DNAH3: variants seen among roughly 807,000 people sequenced by gnomAD.
The protein encoded by DNAH3 is dynein axonemal heavy chain 3, also known as axonemal beta dynein heavy chain 3.
DNAH3 carries 332 observed loss-of-function variants against 432.5 expected under a neutral mutation model. The ratio of observed to expected loss-of-function variants is 0.77; its 90% CI spans 0.70 to 0.84. The LOEUF is 0.84. Ranked by LOEUF, DNAH3 falls within the 40% of genes least tolerant of loss-of-function variation. The pLI, the probability that DNAH3 is intolerant of heterozygous loss-of-function variation, is 0.00. For synonymous variants in DNAH3, 1,956 were observed against 1,900.2 expected (o/e 1.03, Z -0.76); for missense variants, 4,861 against 5,114.0 (o/e 0.95, Z 1.51).
chr16:20,936,146 C>T (rs1370380355), intron 60 of DNAH3, among the ~76,000 whole-genome samples: 5 of 148,020 alleles, frequency 3.4e-5, no homozygotes, highest in Non-Finnish European at 6.0e-5. Context: ...CATGAGCCAC[C>T]AGTTTGTGAC....
chr16:20,985,310 G>C, exon 48 of DNAH3: 1 of 1,614,218 alleles, frequency 6.2e-7, no homozygotes, highest in Non-Finnish European at 8.5e-7. Flanking sequence ...CCGACCTGCA[G>C]TATGATCTTC....
chr16:21,112,161 A>G, intron 12 of DNAH3, 63 bp from the exon 13 acceptor site: 9 of 1,131,240 alleles, frequency 8.0e-6, no homozygotes, highest in Non-Finnish European at 1.0e-5. Flanking sequence ...CAGATGAGTC[A>G]GAGTGGCAAA....
chr16:21,124,648 T>G (rs200733328), intron 9 of DNAH3, among the ~76,000 whole-genome samples: 38,442 of 150,864 alleles, frequency 0.25, 4,787 homozygotes, highest in East Asian at 0.31. Flanking sequence ...ACATTTACTT[T>G]TTTTTTTTTT....
At chr16:21,098,510 T>C in intron 17 of DNAH3, 106 bp downstream of exon 17, 1 of 986,788 alleles carries the variant, frequency 1.0e-6, no homozygotes, top group Non-Finnish European at 1.4e-6. Flanking sequence ...AGTTAACCAA[T>C]ACTATCCACC....
chr16:21,075,946 G>A (rs1355061980), intron 20 of DNAH3, among the ~76,000 whole-genome samples: 1 of 143,310 alleles, frequency 7.0e-6, no homozygotes, highest in African/African-American at 2.6e-5. Context: ...AAAAAGGGAG[G>A]AATTTCAGCT....
exon 48 of DNAH3, chr16:20,985,269 G>T (rs145791741): frequency 2.5e-6 from 4 of 1,614,034 alleles, no homozygotes; most frequent in Non-Finnish European, 3.4e-6. Context: ...GGTTGTCGGC[G>T]AAGAGGAACA....
At chr16:21,062,444 T>G in intron 25 of DNAH3, 38 bp downstream of exon 25, 2 of 1,569,376 alleles carry the variant, frequency 1.3e-6, no homozygotes, top group Non-Finnish European at 1.8e-6. Context: ...TTTACTCTGT[T>G]ATGGAGAAAA....
chr16:20,957,565 C>T (rs898299319), intron 54 of DNAH3, among the ~76,000 whole-genome samples: 2 of 151,940 alleles, frequency 1.3e-5, no homozygotes, highest in African/African-American at 2.4e-5. Context: ...GTAATCCCAG[C>T]ACTTTGGGAG....
chr16:20,964,750 A>G, exon 53 of DNAH3: 1 of 1,614,156 alleles, frequency 6.2e-7, no homozygotes. Flanking sequence ...GGGATCCCCT[A>G]ACGTGTGGCT....
At chr16:21,005,737 GT>G (rs2087269474) in intron 41 of DNAH3, among the ~76,000 whole-genome samples, 1 of 151,160 alleles carries the variant, frequency 6.6e-6, no homozygotes, top group East Asian at 1.9e-4. Context: ...CAGCTCTTAC[GT>G]GTTTGAGAAT....
chr16:21,034,229 TG>T lies in DNAH3; in HGVS notation c.5086-145del, dbSNP rs1489881938. 3 of 591,982 alleles carry T rather than the reference TG, an allele frequency of 5.1e-6. No homozygotes were observed. The African/African-American group carries it at 5.6e-5, about 11-fold the overall frequency. 36.7% of individuals were successfully genotyped at this position (591,982 alleles called of 1,614,324 possible). A position where few individuals can be genotyped will look rare whatever the true frequency, so the allele number is the denominator to read the frequency against. ...CTCTGGAGAACTTCGGTTCTTTTCATGGTCTATTGTTTACATATCTTTCAGA... is the reference window on the plus strand; with the variant it reads ...CTCTGGAGAACTTCGGTTCTTTTCATGTCTATTGTTTACATATCTTTCAGA... On this transcript the variant is annotated intron_variant, in intron 35 of 61. Coordinates refer to ENST00000261383, the Ensembl canonical transcript of DNAH3.
At chr16:21,150,102 G>A (rs1281041756) in intron 1 of DNAH3, among the ~76,000 whole-genome samples, 188 bp downstream of exon 2, 2 of 152,034 alleles carry the variant, frequency 1.3e-5, no homozygotes, top group African/African-American at 4.8e-5. Context: ...GCACATGCCT[G>A]TAATCCCAGC....
chr16:21,039,838 C>T lies in DNAH3; in HGVS notation c.4730+14G>A, dbSNP rs779013953. On this transcript the variant is annotated intron_variant, in intron 33 of 61. Transcript: ENST00000261383. ...AAGTCCTTTAGAATGCACTGGAAAA[C>T]CCATGTAACACACCTTCTGGAGTCC... 4.8e-5 allele frequency: 76 copies of T among 1,590,064 alleles called. No homozygotes were observed. The highest frequency in any genetic ancestry group is 3.8e-4 in the Admixed American group (23 of 59,948).
chr16:20,977,466 G>A (rs1456017463), intron 50 of DNAH3, among the ~76,000 whole-genome samples: 1 of 151,784 alleles, frequency 6.6e-6, no homozygotes, highest in Non-Finnish European at 1.5e-5. Flanking sequence ...TGCACTCACT[G>A]GTCATGATTC....
At chr16:20,983,083 T>C (rs2085989786) in intron 48 of DNAH3, among the ~76,000 whole-genome samples, 197 bp from the exon 49 acceptor site, 1 of 152,108 alleles carries the variant, frequency 6.6e-6, no homozygotes, top group South Asian at 2.1e-4. Flanking sequence ...CACTTAACTT[T>C]GTGAGGAGCC....
chr16:20,958,585 A>C (rs1343515839), intron 54 of DNAH3, among the ~76,000 whole-genome samples: 1 of 152,108 alleles, frequency 6.6e-6, no homozygotes, highest in Admixed American at 6.6e-5. Context: ...TCTGCCTAGA[A>C]CATCCTTCCT....
intron 51 of DNAH3, among the ~76,000 whole-genome samples, chr16:20,970,863 CTTTTTTT>C (rs869203073): frequency 8.1e-6 from 1 of 124,090 alleles, no homozygotes; most frequent in South Asian, 2.6e-4. Flanking sequence ...TTTCTCTATT[CTTTTTTT>C]TTTTTTTTTT....
At chr16:21,003,355 T>C in intron 41 of DNAH3, 148 bp from the exon 42 acceptor site, 1 of 592,518 alleles carries the variant, frequency 1.7e-6, no homozygotes, top group South Asian at 2.2e-5. Flanking sequence ...TATACATTGC[T>C]GGAAAGTGTA....
chr16:20,994,317 G>A (rs974956424), intron 44 of DNAH3, among the ~76,000 whole-genome samples: 11 of 152,022 alleles, frequency 7.2e-5, no homozygotes, highest in Admixed American at 5.2e-4. Flanking sequence ...CTGTAATCCC[G>A]GCTACTTAGG....
Sources: gnomAD v4.1 joint callset for allele counts (sites outside exome capture counted in the v4.1 genomes callset) on GRCh38, gnomAD v4.1.1 for gene constraint, MANE v1.5 for transcripts, NCBI Gene and HGNC (gene_info 2026-07-23, HGNC 2026-07-21) for gene names.